CRISPLD2: variants seen among roughly 807,000 people sequenced by gnomAD.
CRISPLD2 encodes the protein cysteine rich secretory protein LCCL domain containing 2, also known as cysteine-rich secretory protein LCCL domain-containing 2.
In CRISPLD2, 47 loss-of-function variants were observed where a neutral mutation model predicts 71.1. The ratio of observed to expected loss-of-function variants is 0.66; its 90% CI spans 0.52 to 0.84. CRISPLD2 has a LOEUF of 0.84. Among genes scored for constraint, CRISPLD2 ranks in the 40% least tolerant of loss-of-function variants. The pLI, the probability that CRISPLD2 is intolerant of heterozygous loss-of-function variation, is 0.00. For missense variants in CRISPLD2, 830 were observed against 651.1 expected, an observed-to-expected ratio of 1.27 and a Z score of -2.99; for synonymous variants, 317 against 250.1, an observed-to-expected ratio of 1.27 and a Z score of -2.52.
intron 1 of CRISPLD2, chr16:84,836,287 C>T (rs976224329): frequency 6.6e-6 from 1 of 152,222 alleles, no homozygotes; most frequent in African/African-American, 2.4e-5. Flanking sequence ...TCAACCTCAA[C>T]CCAGCGTCAG....
intron 12 of CRISPLD2, among the ~76,000 whole-genome samples, chr16:84,877,898 A>G (rs2071533768): frequency 6.6e-6 from 1 of 150,966 alleles, no homozygotes; most frequent in South Asian, 2.1e-4. Flanking sequence ...GGTAAATGAT[A>G]CGATCCACCC....
intron 6 of CRISPLD2, chr16:84,862,978 C>T (rs1307258516): frequency 6.6e-6 from 1 of 152,164 alleles, no homozygotes; most frequent in African/African-American, 2.4e-5. Context: ...GACCATGTAT[C>T]TGGGTCTGGG....
chr16:84,826,225 C>G (rs1247263188), intron 1 of CRISPLD2, among the ~76,000 whole-genome samples: 1 of 152,212 alleles, frequency 6.6e-6, no homozygotes, highest in Non-Finnish European at 1.5e-5. Context: ...AGAAAGAAGT[C>G]ACGAGTGACC....
intron 2 of CRISPLD2, 136 bp downstream of exon 2, chr16:84,838,871 G>C (rs1258682219): frequency 9.0e-7 from 1 of 1,114,770 alleles, no homozygotes; most frequent in East Asian, 2.6e-5. Context: ...TGGCAGGGGA[G>C]GATCCCGGCT....
intron 14 of CRISPLD2, among the ~76,000 whole-genome samples, chr16:84,890,117 G>A (rs570969117): frequency 6.6e-6 from 1 of 152,280 alleles, no homozygotes; most frequent in South Asian, 2.1e-4. Flanking sequence ...CCAGCACTTT[G>A]GGAGGCCGAG....
At chr16:84,827,938 C>T (rs1461836043) in intron 1 of CRISPLD2, among the ~76,000 whole-genome samples, 3 of 152,312 alleles carry the variant, frequency 2.0e-5, no homozygotes, top group South Asian at 4.1e-4. Flanking sequence ...CTGCCCCCCT[C>T]CTCTGTTCAT....
intron 5 of CRISPLD2, among the ~76,000 whole-genome samples, chr16:84,851,882 C>A (rs895663878): frequency 6.6e-6 from 1 of 152,254 alleles, no homozygotes; most frequent in Admixed American, 6.5e-5. Context: ...AAAATATACT[C>A]ATCTGAAGTA....
chr16:84,854,635 G>C (rs1917183609), intron 5 of CRISPLD2, 94 bp from the exon 6 acceptor site: 1 of 855,968 alleles, frequency 1.2e-6, no homozygotes, highest in African/African-American at 1.7e-5. Flanking sequence ...GTCAGTGGCG[G>C]TGTTCAGGGA....
rs2143185083 is a variant in CRISPLD2, at chr16:84,841,725, A to G, written c.240+2990A>G. Among the ~76,000 whole-genome samples the G allele has an allele frequency of 2.0e-5, 3 of 151,882 alleles. No individual in the cohort carries two copies. The South Asian group carries it at 6.2e-4, about 32-fold the overall frequency. On this transcript the variant is annotated intron_variant, in intron 2 of 14. Transcript: ENST00000262424. ...ATTCTCCTGTCTCGGCCTCCCAAGTAGTTGGGATTATAGGTGCCCACCACC... is the reference window on the plus strand; with the variant it reads ...ATTCTCCTGTCTCGGCCTCCCAAGTGGTTGGGATTATAGGTGCCCACCACC...
chr16:84,835,853 A>G (rs1916605498), intron 1 of CRISPLD2, among the ~76,000 whole-genome samples: 1 of 152,178 alleles, frequency 6.6e-6, no homozygotes, highest in Non-Finnish European at 1.5e-5. Flanking sequence ...GCTCAGGAGG[A>G]CGTGCCAGAG....
At chr16:84,845,654 A>G in intron 2 of CRISPLD2, 132 bp from the exon 3 acceptor site, 1 of 685,094 alleles carries the variant, frequency 1.5e-6, no homozygotes. Flanking sequence ...TGATTTAGGA[A>G]CCCAGCAATA....
intron 8 of CRISPLD2, among the ~76,000 whole-genome samples, chr16:84,871,848 G>C (rs2071471948): frequency 7.1e-6 from 1 of 140,518 alleles, no homozygotes; most frequent in Non-Finnish European, 1.5e-5. Flanking sequence ...CACTGTGCCT[G>C]GCCTTGTTTT....
chr16:84,881,364 C>A (rs1353860236), intron 13 of CRISPLD2, among the ~76,000 whole-genome samples: 1 of 152,056 alleles, frequency 6.6e-6, no homozygotes, highest in African/African-American at 2.4e-5. Flanking sequence ...CTGTTTTTTC[C>A]CTCCGAATTT....
chr16:84,877,246 C>A (rs571713723), intron 11 of CRISPLD2, among the ~76,000 whole-genome samples, 192 bp from the exon 12 acceptor site: 1 of 152,136 alleles, frequency 6.6e-6, no homozygotes, highest in Admixed American at 6.5e-5. Flanking sequence ...ACATGCAGGC[C>A]GTGGGTTTGG....
At chr16:84,880,949 C>T (rs1355549805) in intron 13 of CRISPLD2, among the ~76,000 whole-genome samples, 1 of 152,122 alleles carries the variant, frequency 6.6e-6, no homozygotes, top group Admixed American at 6.6e-5. Flanking sequence ...AGATGATCCG[C>T]CCACCTCTGC....
chr16:84,894,077 G>T (rs911085032), intron 14 of CRISPLD2, among the ~76,000 whole-genome samples: 4 of 152,218 alleles, frequency 2.6e-5, no homozygotes, highest in African/African-American at 9.6e-5. Context: ...CTGCTTCACA[G>T]TGGTTTTGGT....
rs554628156 is a variant in CRISPLD2, at chr16:84,826,330, C to T, written c.-75+6197C>T. Among the ~76,000 whole-genome samples the T allele has an allele frequency of 3.9e-5, 6 of 152,362 alleles. No homozygotes were observed. The East Asian group carries it at 9.6e-4, about 24-fold the overall frequency. The stretch of plus-strand genomic sequence containing the variant: ...GAAGGCTTTCTTCCAGAAGAACACT[C>T]AGCCCTTTGGCACTTTGTGCTGAAG... On this transcript the variant is annotated intron_variant, in intron 1 of 14. Transcript: ENST00000262424.
chr16:84,877,517 C>A lies in CRISPLD2; in HGVS notation c.1229+7C>A, dbSNP rs201351334. The stretch of plus-strand genomic sequence containing the variant: ...CAGCAACTCACTGCCCAAGGTAAGG[C>A]GGGCCTGATCTGTCATCTTTTCTAT... On this transcript the variant is annotated splice_region_variant and intron_variant, in intron 12 of 14. Transcript: ENST00000262424. 3 of 1,613,130 alleles carry A rather than the reference C, an allele frequency of 1.9e-6. No individual in the cohort carries two copies. Among genetic ancestry groups the A allele is most frequent in the Admixed American group, 3.3e-5 (2 of 59,980 alleles).
At chr16:84,889,600 T>C (rs2071643651) in intron 14 of CRISPLD2, among the ~76,000 whole-genome samples, 2 of 150,072 alleles carry the variant, frequency 1.3e-5, no homozygotes, top group South Asian at 2.1e-4. Context: ...AAAAAAGAAC[T>C]TTTTTTCCTA....
Sources: allele counts gnomAD v4.1 joint callset (sites outside exome capture counted in the v4.1 genomes callset), GRCh38; gene constraint gnomAD v4.1.1; transcripts MANE v1.5; gene names NCBI Gene and HGNC (gene_info 2026-07-23, HGNC 2026-07-21).